The following MKKS variants were observed in gnomAD, a reference collection of about 807,000 sequenced individuals.
MKKS encodes molecular chaperone MKKS.
A neutral mutation model predicts 33.2 loss-of-function variants in MKKS; 29 were observed. The observed-to-expected ratio is 0.87, with a 90% confidence interval of 0.65 to 1.19. MKKS has a LOEUF of 1.19. Among genes scored for constraint, MKKS ranks in the 50% most tolerant of loss-of-function variants. MKKS has a pLI of 0.00. For synonymous variants in MKKS, 260 were observed against 244.0 expected (o/e 1.07, Z -0.61); for missense variants, 661 against 662.3 (o/e 1.00, Z 0.02).
intron 1 of MKKS, among the ~76,000 whole-genome samples, chr20:10,426,418 CT>C (rs1195151977): frequency 6.6e-6 from 1 of 151,988 alleles, no homozygotes; most frequent in South Asian, 2.1e-4. Flanking sequence ...GTTCTTTTTT[CT>C]TTTTTTGGGA....
chr20:10,408,492 G>A (rs1054051309), intron 4 of MKKS, 136 bp downstream of exon 4: 9 of 836,084 alleles, frequency 1.1e-5, no homozygotes, highest in Non-Finnish European at 1.7e-5. Flanking sequence ...TAGCTTACTT[G>A]TGACTTTGCA....
intron 2 of MKKS, among the ~76,000 whole-genome samples, chr20:10,416,544 A>G (rs1343932994): frequency 6.6e-6 from 1 of 152,206 alleles, no homozygotes; most frequent in Non-Finnish European, 1.5e-5. Flanking sequence ...ACAGGTTCAT[A>G]CTAACACCAA....
chr20:10,403,595 ATCTGCCTTC>A lies in MKKS; in HGVS notation c.*1643_*1651del, dbSNP rs1395844451. ...AGACCCATGAAACTAGAGAAAAGTT[ATCTGCCTTC>A]TACTCACAGCATAAAATTATGGATA... On this transcript the variant is annotated 3_prime_UTR_variant, in exon 6 of 6. Coordinates refer to ENST00000347364, the MANE Select transcript of MKKS (RefSeq NM_170784.3). 1 of 152,224 alleles carries A rather than the reference ATCTGCCTTC, an allele frequency of 6.6e-6. No homozygotes were observed. The highest frequency in any genetic ancestry group is 2.4e-5 in the African/African-American group (1 of 41,454). The allele number at this position is 152,224 out of a possible 1,614,324, so 9.4% of individuals were successfully genotyped here.
Position 10,405,183 on chromosome 20 carries a change from A to G in MKKS, c.*64T>C, listed in dbSNP as rs962288621. 6 of 1,342,496 alleles carry G rather than the reference A, an allele frequency of 4.5e-6. No homozygotes were observed. The highest frequency in any genetic ancestry group is 1.5e-5 in the African/African-American group (1 of 68,146). 83.2% of individuals were successfully genotyped at this position (1,342,496 alleles called of 1,614,324 possible). The stretch of plus-strand genomic sequence containing the variant: ...TTGGGAGAAAACAAATACACTCACA[A>G]TTTTTCTCAATTGCCAACAGACTAG... On this transcript the variant is annotated 3_prime_UTR_variant, in exon 6 of 6. Transcript: ENST00000347364.
chr20:10,407,124 G>A (rs1204619109), intron 5 of MKKS, among the ~76,000 whole-genome samples: 1 of 152,042 alleles, frequency 6.6e-6, no homozygotes, highest in Non-Finnish European at 1.5e-5. Context: ...AATTATAATA[G>A]AATCTAATAT....
chr20:10,408,611 C>G lies in MKKS; in HGVS notation c.1161+17G>C, dbSNP rs1279279012. Reference sequence around the variant, plus strand: ...TCCCTCAGCCTCTGCATATGGAATTCAAAGTTCATTACCTACCTTCAGCTC... The same window carrying G: ...TCCCTCAGCCTCTGCATATGGAATTGAAAGTTCATTACCTACCTTCAGCTC... On this transcript the variant is annotated intron_variant, in intron 4 of 5. Coordinates refer to ENST00000347364, the MANE Select transcript of MKKS (RefSeq NM_170784.3). 2 of 1,613,182 alleles carry G rather than the reference C, an allele frequency of 1.2e-6. No individual in the cohort carries two copies. The highest frequency in any genetic ancestry group is 2.7e-5 in the African/African-American group (2 of 74,886).
intron 3 of MKKS, among the ~76,000 whole-genome samples, chr20:10,409,785 A>G (rs2064867791): frequency 6.6e-6 from 1 of 151,874 alleles, no homozygotes; most frequent in Non-Finnish European, 1.5e-5. Context: ...AGCCTGGCCA[A>G]CATGGTGAAA....
intron 3 of MKKS, among the ~76,000 whole-genome samples, chr20:10,411,285 T>C (rs545797804): frequency 6.6e-6 from 1 of 151,916 alleles, no homozygotes; most frequent in African/African-American, 2.4e-5. Flanking sequence ...CGCCCAGCCC[T>C]TTCTGTTTTT....
At chr20:10,433,547 AT>A (rs1350337279) in intron 1 of MKKS, among the ~76,000 whole-genome samples, 2 of 152,150 alleles carry the variant, frequency 1.3e-5, no homozygotes, top group Non-Finnish European at 2.9e-5. Context: ...CGGCAACAGG[AT>A]TTGGGTATGG....
In MKKS at chr20:10,425,053, C is replaced by CA. The variant is rs372986156; in HGVS notation, c.-648-4296dup. The stretch of plus-strand genomic sequence containing the variant: ...AGGCAACAAGAGCTAAACTCCGTCT[C>CA]AAAAAAAAAAAAAGAAAGAAAGAAA... On this transcript the variant is annotated intron_variant, in intron 1 of 5. Coordinates refer to ENST00000347364, the MANE Select transcript of MKKS (RefSeq NM_170784.3). Among the ~76,000 whole-genome samples the CA allele has an allele frequency of 3.1e-3, 382 of 122,272 alleles. 1 individual carries two copies. Among genetic ancestry groups the CA allele is most frequent in the African/African-American group, 7.0e-3 (232 of 33,170 alleles). 80.2% of individuals were successfully genotyped at this position (122,272 alleles called of 152,430 possible).
intron 1 of MKKS, among the ~76,000 whole-genome samples, chr20:10,426,898 T>C (rs1448639646): frequency 5.3e-5 from 8 of 152,182 alleles, no homozygotes; most frequent in African/African-American, 1.7e-4. Context: ...CAGTTTTCTT[T>C]AATTTAGTTC....
chr20:10,421,702 G>A (rs1422900247), intron 1 of MKKS, among the ~76,000 whole-genome samples: 2 of 151,800 alleles, frequency 1.3e-5, no homozygotes, highest in African/African-American at 4.8e-5. Context: ...TAACTTACAG[G>A]GTTATCGACC....
intron 1 of MKKS, among the ~76,000 whole-genome samples, chr20:10,433,659 A>G (rs1414696431): frequency 1.3e-5 from 2 of 152,108 alleles, no homozygotes; most frequent in Admixed American, 1.3e-4. Context: ...TGGCAGGGCC[A>G]CGCTGCACAA....
At position 10,407,596 on chromosome 20, in the gene MKKS, A is replaced by G. The variant is rs2064851790; in HGVS notation, c.1272+20T>C. The G allele has an allele frequency of 1.9e-6, 3 of 1,588,994 alleles. No homozygotes were observed. The highest frequency in any genetic ancestry group is 2.6e-6 in the Non-Finnish European group (3 of 1,157,658). ...AGTTGCTGAGAATTCAGGTAATCCG[A>G]AGAGGATTATCTTACATACCTTGTG... On this transcript the variant is annotated intron_variant, in intron 5 of 5. Transcript: ENST00000347364.
chr20:10,414,218 T>C (rs2064919821), intron 2 of MKKS, among the ~76,000 whole-genome samples: 1 of 151,510 alleles, frequency 6.6e-6, no homozygotes, highest in South Asian at 2.1e-4. Flanking sequence ...GGCATGCTTC[T>C]AGGAGAGAAA....
chr20:10,423,672 A>G (rs1020587299), intron 1 of MKKS, among the ~76,000 whole-genome samples: 4 of 152,200 alleles, frequency 2.6e-5, no homozygotes, highest in African/African-American at 9.6e-5. Flanking sequence ...GTGAATCTTT[A>G]GGTCATCTCC....
intron 2 of MKKS, among the ~76,000 whole-genome samples, chr20:10,419,016 A>G (rs1191164208): frequency 6.6e-6 from 1 of 152,166 alleles, no homozygotes; most frequent in Non-Finnish European, 1.5e-5. Flanking sequence ...ATATTAAGCT[A>G]TGCTCTTCCA....
intron 1 of MKKS, among the ~76,000 whole-genome samples, chr20:10,424,747 GT>G (rs757732176): frequency 1.3e-5 from 2 of 152,048 alleles, no homozygotes; most frequent in African/African-American, 2.4e-5. Context: ...TTCCTCTGTG[GT>G]TTTTTACAAA....
chr20:10,427,212 A>G (rs949662107), intron 1 of MKKS, among the ~76,000 whole-genome samples: 2 of 152,206 alleles, frequency 1.3e-5, no homozygotes, highest in Non-Finnish European at 2.9e-5. Context: ...CTTCCTGCAA[A>G]ATTAGGCCTA....
Sources: allele counts gnomAD v4.1 joint callset (sites outside exome capture counted in the v4.1 genomes callset), GRCh38; gene constraint gnomAD v4.1.1; transcripts MANE v1.5; gene names NCBI Gene and HGNC (gene_info 2026-07-23, HGNC 2026-07-21).